The following DENND4C variants were observed in gnomAD, a reference collection of about 807,000 sequenced individuals.
DENND4C encodes the protein DENN domain containing 4C.
A neutral mutation model predicts 203.0 loss-of-function variants in DENND4C; 108 were observed. The ratio of observed to expected loss-of-function variants is 0.53; its 90% confidence interval spans 0.46 to 0.62. The LOEUF (loss-of-function observed/expected upper bound fraction) is 0.62, where lower values mean the gene tolerates loss of function less well. Among genes scored for constraint, DENND4C ranks in the 20% least tolerant of loss-of-function variants. DENND4C has a pLI of 0.00. For missense variants in DENND4C, 2,481 were observed against 2,301.2 expected, an observed-to-expected ratio of 1.08 and a Z score of -1.60; for synonymous variants, 871 against 792.4, an observed-to-expected ratio of 1.10 and a Z score of -1.67.
chr9:19,254,007 G>A (rs1478469365), intron 1 of DENND4C, among the ~76,000 whole-genome samples: 1 of 152,102 alleles, frequency 6.6e-6, no homozygotes, highest in Non-Finnish European at 1.5e-5. Context: ...GTTGGAAAAT[G>A]AATTTTAATT....
At chr9:19,319,245 A>G (rs1842369569) in intron 12 of DENND4C, among the ~76,000 whole-genome samples, 1 of 147,134 alleles carries the variant, frequency 6.8e-6, no homozygotes, top group Non-Finnish European at 1.5e-5. Context: ...ATATGTATAT[A>G]TATAAACATA....
intron 5 of DENND4C, among the ~76,000 whole-genome samples, chr9:19,294,582 C>T (rs759373070): frequency 4.6e-5 from 7 of 152,110 alleles, no homozygotes; most frequent in Non-Finnish European, 7.4e-5. Flanking sequence ...GATACTTGTA[C>T]GCCAATGTTT....
At chr9:19,265,965 A>C (rs1830413860) in intron 1 of DENND4C, among the ~76,000 whole-genome samples, 1 of 152,216 alleles carries the variant, frequency 6.6e-6, no homozygotes. Flanking sequence ...CTTTGGGTAT[A>C]TACCCAGTAA....
intron 1 of DENND4C, among the ~76,000 whole-genome samples, chr9:19,261,718 C>G (rs1829405774): frequency 1.3e-5 from 2 of 151,630 alleles, no homozygotes; most frequent in Non-Finnish European, 2.9e-5. Context: ...TGTTGCCCAG[C>G]TTGGACCCAT....
At chr9:19,342,486 GAC>G (rs750781099) in intron 21 of DENND4C, 145 bp from the exon 22 acceptor site, 6 of 727,956 alleles carry the variant, frequency 8.2e-6, no homozygotes, top group Non-Finnish European at 1.2e-5. Flanking sequence ...AAGTAAACCA[GAC>G]ACAGTCTATT....
rs553477025 is a variant in DENND4C, at chr9:19,358,212, T to C, written c.5160+52T>C. On this transcript the variant is annotated intron_variant, in intron 28 of 32. Transcript: ENST00000434457. The surrounding 1 kb of genome is among the most constrained non-coding windows in gnomAD (Gnocchi z 4.8). The stretch of plus-strand genomic sequence containing the variant: ...TATACTGCATACACACCTAAGTATA[T>C]AGTAGAACATTATAAATTCTTCTGT... 2 of 1,369,952 alleles carry C rather than the reference T, an allele frequency of 1.5e-6. No individual in the cohort carries two copies. Among genetic ancestry groups the C allele is most frequent in the African/African-American group, 1.4e-5 (1 of 69,564 alleles). 84.9% of individuals were successfully genotyped at this position (1,369,952 alleles called of 1,614,324 possible).
intron 12 of DENND4C, among the ~76,000 whole-genome samples, chr9:19,319,096 G>A (rs1329658820): frequency 1.3e-5 from 2 of 151,332 alleles, no homozygotes; most frequent in African/African-American, 2.4e-5. Context: ...TTCATCCCGC[G>A]AGGCAGAAGT....
chr9:19,346,070 C>G lies in DENND4C; in HGVS notation c.3301C>G (p.Arg1101Gly), dbSNP rs780776381. 4 of 1,614,120 alleles carry G rather than the reference C, an allele frequency of 2.5e-6. No homozygotes were observed. Among genetic ancestry groups the G allele is most frequent in the Non-Finnish European group, 3.4e-6 (4 of 1,180,034 alleles). ...ERSCSFSSES[R>G]AGMLLKKSSL... ...GAGTTGTAGTTTTAGTTCTGAAAGTCGAGCAGGAATGTTGCTTAAGAAGAG... is the reference window on the plus strand; with the variant it reads ...GAGTTGTAGTTTTAGTTCTGAAAGTGGAGCAGGAATGTTGCTTAAGAAGAG... Residue 1101 changes from arginine to glycine, a missense_variant, in exon 23 of 33, where the codon CGA becomes GGA. Arg to Gly is a moderately radical substitution (Grantham distance 125). Around this residue, in one of 3 missense-constraint regions of DENND4C, gnomAD observed 2,289 missense variants for 2,113.3 expected, o/e 1.08. Transcript: ENST00000434457.
chr9:19,280,378 C>G (rs917466815), intron 2 of DENND4C, among the ~76,000 whole-genome samples: 9 of 152,244 alleles, frequency 5.9e-5, no homozygotes, highest in African/African-American at 2.2e-4. Flanking sequence ...AACTCCTGAC[C>G]TCGTGATCCA....
chr9:19,358,456 C>CTTATTTTATTTGAATTATAA lies in DENND4C; in HGVS notation c.5160+296_5160+297insTTATTTTATTTGAATTATAA, dbSNP rs1563839697. On this transcript the variant is annotated intron_variant, in intron 28 of 32. Transcript: ENST00000434457. The surrounding 1 kb of genome is among the most constrained non-coding windows in gnomAD (Gnocchi z 4.8). ...TTATTTTGAAGCAAATTTCAAACAT[C>CTTATTTTATTTGAATTATAA]ACATATTCTGTTAGTAAATATTTCA... 2.1e-4 allele frequency among the ~76,000 whole-genome samples: 32 copies of CTTATTTTATTTGAATTATAA among 149,134 alleles called. No individual in the cohort carries two copies. Among genetic ancestry groups the CTTATTTTATTTGAATTATAA allele is most frequent in the African/African-American group, 8.3e-4 (32 of 38,604 alleles).
intron 1 of DENND4C, among the ~76,000 whole-genome samples, chr9:19,263,961 A>G (rs1044467880): frequency 2.0e-5 from 3 of 151,754 alleles, no homozygotes; most frequent in Non-Finnish European, 2.9e-5. Flanking sequence ...CGCCTGGCCA[A>G]TTTTCTTTCT....
At chr9:19,351,031 G>A in intron 24 of DENND4C, 152 bp downstream of exon 24, 4 of 728,194 alleles carry the variant, frequency 5.5e-6, no homozygotes, top group Non-Finnish European at 8.6e-6. Context: ...CCAAAGTGCT[G>A]GGATTACAAG....
In DENND4C at chr9:19,356,503, A is replaced by C. The variant is rs955159886; in HGVS notation, c.4782-469A>C. ...AGATAAGATGTAAATAAAACAATGA[A>C]CAGAGAAGAAATGATTAGAAACAAG... On this transcript the variant is annotated intron_variant, in intron 26 of 32. Coordinates refer to ENST00000434457, the MANE Select transcript of DENND4C (RefSeq NM_001330640.2). 3.3e-5 allele frequency among the ~76,000 whole-genome samples: 5 copies of C among 152,288 alleles called. No homozygotes were observed. The South Asian group carries it at 1.0e-3, about 32-fold the overall frequency.
At chr9:19,318,864 A>G (rs1276461961) in intron 12 of DENND4C, among the ~76,000 whole-genome samples, 2 of 152,188 alleles carry the variant, frequency 1.3e-5, no homozygotes, top group Non-Finnish European at 2.9e-5. Flanking sequence ...ACTAGGGGCT[A>G]GGAACTTAAT....
chr9:19,275,616 G>GC (rs1233156791), intron 1 of DENND4C, among the ~76,000 whole-genome samples: 2 of 151,850 alleles, frequency 1.3e-5, no homozygotes, highest in Non-Finnish European at 2.9e-5. Context: ...GATTATAGGC[G>GC]CCCCCCACCA....
Position 19,276,435 on chromosome 9 carries a change from CTGTTA to C in DENND4C, c.263_267del (p.Cys88Ter). Reference sequence around the variant, plus strand: ...GTCTGAAAAGCCCAGAACTTTTCCTCTGTTATAAGAGAGGGAGAGATAAACCACCG... The same window carrying C: ...GTCTGAAAAGCCCAGAACTTTTCCTCTAAGAGAGGGAGAGATAAACCACCG... On this transcript the variant is annotated frameshift_variant, in exon 2 of 33. Transcript: ENST00000434457. LOFTEE classifies it high-confidence loss of function. The C allele has an allele frequency of 1.6e-6, 2 of 1,232,070 alleles. No individual in the cohort carries two copies. Among genetic ancestry groups the C allele is most frequent in the Non-Finnish European group, 2.0e-6 (2 of 987,932 alleles). 76.3% of individuals were successfully genotyped at this position (1,232,070 alleles called of 1,614,324 possible).
intron 20 of DENND4C, among the ~76,000 whole-genome samples, 197 bp from the exon 21 acceptor site, chr9:19,340,795 G>A (rs1821444213): frequency 6.6e-6 from 1 of 152,132 alleles, no homozygotes; most frequent in Non-Finnish European, 1.5e-5. Context: ...AATGTGTTTA[G>A]TCTTTGATGT....
At chr9:19,355,801 T>G (rs1825258185) in intron 26 of DENND4C, among the ~76,000 whole-genome samples, 1 of 152,210 alleles carries the variant, frequency 6.6e-6, no homozygotes, top group African/African-American at 2.4e-5. Context: ...AGAGTTTTCT[T>G]TGAGATTTAT....
chr9:19,285,320 C>T (rs1834966888), intron 2 of DENND4C, among the ~76,000 whole-genome samples: 1 of 152,114 alleles, frequency 6.6e-6, no homozygotes, highest in Non-Finnish European at 1.5e-5. Context: ...ATTCACATGT[C>T]ATACAGTTCA....
Sources: allele counts gnomAD v4.1 joint callset (sites outside exome capture counted in the v4.1 genomes callset), GRCh38; gene constraint gnomAD v4.1.1; regional missense constraint gnomAD v4.1.1; non-coding constraint Gnocchi (gnomAD v3.1); transcripts MANE v1.5; gene names NCBI Gene and HGNC (gene_info 2026-07-23, HGNC 2026-07-21).